CTNNA2: variants seen among roughly 807,000 people sequenced by gnomAD.
CTNNA2 encodes the protein catenin alpha-2.
A neutral mutation model predicts 101.0 loss-of-function variants in CTNNA2; 42 were observed. The ratio of observed to expected loss-of-function variants is 0.42; its 90% CI spans 0.32 to 0.54. The LOEUF is 0.54. Among genes scored for constraint, CTNNA2 ranks in the 20% least tolerant of loss-of-function variants. The pLI is 0.14. For missense variants in CTNNA2, 871 were observed against 1,223.1 expected (o/e 0.71, Z 4.29); for synonymous variants, 450 against 456.4 (o/e 0.99, Z 0.18).
At chr2:79,624,523 G>A (rs1000849774) in intron 1 of CTNNA2, among the ~76,000 whole-genome samples, 1 of 152,144 alleles carries the variant, frequency 6.6e-6, no homozygotes, top group East Asian at 1.9e-4. Context: ...CTGCAATTTG[G>A]AAGATATTTT....
chr2:80,281,579 A>G (rs971797641), intron 7 of CTNNA2, among the ~76,000 whole-genome samples: 4 of 151,846 alleles, frequency 2.6e-5, no homozygotes, highest in African/African-American at 9.7e-5. Flanking sequence ...TTCCCTCTCT[A>G]TTTAGGGCCC....
At chr2:80,356,944 G>A (rs994153995) in intron 7 of CTNNA2, among the ~76,000 whole-genome samples, 4 of 152,180 alleles carry the variant, frequency 2.6e-5, no homozygotes, top group African/African-American at 4.8e-5. Flanking sequence ...GAGGCCTAGC[G>A]AGGAGTCATA....
At chr2:79,914,002 C>A (rs1002537393) in intron 7 of CTNNA2, among the ~76,000 whole-genome samples, 6 of 151,364 alleles carry the variant, frequency 4.0e-5, no homozygotes, top group African/African-American at 9.7e-5. Context: ...CCCGTCTCTA[C>A]TAAAAATACA....
At chr2:80,599,551 AT>A (rs547578990) in intron 15 of CTNNA2, among the ~76,000 whole-genome samples, 2 of 151,752 alleles carry the variant, frequency 1.3e-5, no homozygotes, top group Admixed American at 6.6e-5. Context: ...TGGCACAACT[AT>A]TTTTTTTCTA....
At chr2:80,289,397 C>T (rs1675042654) in intron 7 of CTNNA2, among the ~76,000 whole-genome samples, 1 of 152,072 alleles carries the variant, frequency 6.6e-6, no homozygotes, top group South Asian at 2.1e-4. Flanking sequence ...TAATCTCTAC[C>T]CCAGTTCTCG....
Position 80,258,763 on chromosome 2 carries a change from C to T in CTNNA2, c.1057-134448C>T, listed in dbSNP as rs1239843618. 3.3e-5 allele frequency among the ~76,000 whole-genome samples: 5 copies of T among 152,102 alleles called. No individual in the cohort carries two copies. In the East Asian group the frequency reaches 9.7e-4, roughly 29 times the overall value. ...CTCACATGTTAGACACAACCCTGGT[C>T]GGAAGGCAGTTGCTGATTGAACCTG... is the stretch of plus-strand genomic sequence containing the variant. On this transcript the variant is annotated intron_variant, in intron 7 of 18. Transcript: ENST00000402739.
chr2:79,540,328 A>C (rs922313960), intron 1 of CTNNA2, among the ~76,000 whole-genome samples: 1 of 152,182 alleles, frequency 6.6e-6, no homozygotes, highest in African/African-American at 2.4e-5. Context: ...AAATGCATAT[A>C]ACAATATTAC....
Position 80,438,557 on chromosome 2 carries a change from G to T in CTNNA2, c.1290+18956G>T, listed in dbSNP as rs369746865. On this transcript the variant is annotated intron_variant, in intron 9 of 18. Transcript: ENST00000402739. ...ACACCCCAGAGATGAATTTTATGAT[G>T]GTCTAGGTCATCACTAATTATTTTG... 3.9e-5 allele frequency among the ~76,000 whole-genome samples: 6 copies of T among 152,004 alleles called. No individual in the cohort carries two copies. In the South Asian group the frequency reaches 1.2e-3, roughly 32 times the overall value.
At chr2:80,629,323 T>C (rs1672032947) in intron 18 of CTNNA2, among the ~76,000 whole-genome samples, 1 of 152,030 alleles carries the variant, frequency 6.6e-6, no homozygotes, top group Admixed American at 6.6e-5. Flanking sequence ...AGAGAGGGGA[T>C]AGTTGAAAAT....
intron 7 of CTNNA2, among the ~76,000 whole-genome samples, chr2:80,295,691 T>C (rs1254006624): frequency 6.6e-6 from 1 of 152,138 alleles, no homozygotes; most frequent in Non-Finnish European, 1.5e-5. Flanking sequence ...CCAATTGCAG[T>C]AAGATGATTA....
rs531496483 is a variant in CTNNA2 at position 79,219,515 on chromosome 2, A to G, written c.-406+21439A>G. Among the ~76,000 whole-genome samples the G allele has an allele frequency of 2.0e-5, 3 of 152,132 alleles. No individual in the cohort carries two copies. The South Asian group carries it at 6.2e-4, about 31-fold the overall frequency. On this transcript the variant is annotated intron_variant, in intron 2 of 21. Transcript: ENST00000466387. Reference sequence around the variant, plus strand: ...GCCATATGTGGCTAGTGACTACTTTATTTGTTAAACTTGTGAGGTTAAGGT... The same window carrying G: ...GCCATATGTGGCTAGTGACTACTTTGTTTGTTAAACTTGTGAGGTTAAGGT...
chr2:79,966,250 T>C (rs1396529491), intron 7 of CTNNA2, among the ~76,000 whole-genome samples: 1 of 152,110 alleles, frequency 6.6e-6, no homozygotes, highest in Non-Finnish European at 1.5e-5. Flanking sequence ...AGAATCTTTT[T>C]TGGGGGACAG....
At position 80,581,955 on chromosome 2, in the gene CTNNA2, TG is replaced by T. The variant is rs1416824067; in HGVS notation, c.2007+137del. 2.3e-5 allele frequency: 14 copies of T among 595,850 alleles called. No individual in the cohort carries two copies. In the East Asian group the frequency reaches 3.9e-4, roughly 16 times the overall value. The allele number at this position is 595,850 out of a possible 1,614,324, so 36.9% of individuals were successfully genotyped here. ...AGAAATCTGTGCTCTCATCTGAGGT[TG>T]TTTATAGCAAATCACATTTTACACA... On this transcript the variant is annotated intron_variant, in intron 14 of 18. Transcript: ENST00000402739.
At chr2:79,670,669 A>C (rs1682775225) in intron 2 of CTNNA2, among the ~76,000 whole-genome samples, 1 of 152,296 alleles carries the variant, frequency 6.6e-6, no homozygotes, top group East Asian at 1.9e-4. Context: ...TAATTTTTTA[A>C]AAACCTAATA....
chr2:79,519,224 G>A (rs1437147710), intron 1 of CTNNA2, among the ~76,000 whole-genome samples: 3 of 127,416 alleles, frequency 2.4e-5, no homozygotes, highest in Non-Finnish European at 3.2e-5. Flanking sequence ...ACAAGACTCC[G>A]TCTCAAAAAA....
chr2:80,199,589 G>A (rs571109566), intron 7 of CTNNA2, among the ~76,000 whole-genome samples: 12 of 152,296 alleles, frequency 7.9e-5, no homozygotes, highest in African/African-American at 2.9e-4. Context: ...CCAGAATGAG[G>A]GAAAGGGCAG....
chr2:80,302,840 G>A lies in CTNNA2; in HGVS notation c.1057-90371G>A, dbSNP rs1428564349. On this transcript the variant is annotated intron_variant, in intron 7 of 18. Transcript: ENST00000402739. This position sits in a 1 kb window ranked among gnomAD's most constrained non-coding sequence, Gnocchi z 6.4. Reference sequence around the variant, plus strand: ...GCGCCCCTGGAAGTTGTTGAGCCACGAGGCTAGGGCACACACGTTGCGCCC... The same window carrying A: ...GCGCCCCTGGAAGTTGTTGAGCCACAAGGCTAGGGCACACACGTTGCGCCC... 5.6e-6 allele frequency: 9 copies of A among 1,614,090 alleles called. No homozygotes were observed. Among genetic ancestry groups the A allele is most frequent in the African/African-American group, 2.7e-5 (2 of 75,058 alleles).
chr2:79,199,313 C>T (rs544982520), intron 2 of CTNNA2, among the ~76,000 whole-genome samples: 1 of 152,226 alleles, frequency 6.6e-6, no homozygotes, highest in African/African-American at 2.4e-5. Flanking sequence ...GCAAAGTTCC[C>T]TATTCTTGTC....
Position 80,092,377 on chromosome 2 carries a change from A to C in CTNNA2, c.1056+182580A>C, listed in dbSNP as rs188739892. Among the ~76,000 whole-genome samples the C allele has an allele frequency of 6.6e-5, 10 of 152,272 alleles. No homozygotes were observed. In the East Asian group the frequency reaches 1.9e-3, roughly 29 times the overall value. Reference sequence around the variant, plus strand: ...CAATGTTCTAAATTCAGTAGAAAAAAACAGGCATACACCCGTCACCTCAGT... The same window carrying C: ...CAATGTTCTAAATTCAGTAGAAAAACACAGGCATACACCCGTCACCTCAGT... On this transcript the variant is annotated intron_variant, in intron 7 of 18. Transcript: ENST00000402739.
Sources: gnomAD v4.1 joint callset for allele counts (sites outside exome capture counted in the v4.1 genomes callset) on GRCh38, gnomAD v4.1.1 for gene constraint, Gnocchi (gnomAD v3.1) non-coding constraint, MANE v1.5 for transcripts, NCBI Gene and HGNC (gene_info 2026-07-23, HGNC 2026-07-21) for gene names.